GCLM: variants seen among roughly 807,000 people sequenced by gnomAD.
GCLM encodes the protein glutamate-cysteine ligase modifier subunit.
GCLM carries 15 observed loss-of-function variants against 36.0 expected under a neutral mutation model. The ratio of observed to expected loss-of-function variants is 0.42; its 90% CI spans 0.28 to 0.64. The LOEUF is 0.64. Ranked by LOEUF, GCLM falls within the 30% of genes least tolerant of loss-of-function variation. The probability of loss-of-function intolerance (pLI) is 0.25; values close to 1 mark genes in which losing one functional copy is unlikely to be tolerated. For synonymous variants in GCLM, 129 were observed against 122.8 expected, an observed-to-expected ratio of 1.05 and a Z score of -0.34; for missense variants, 242 against 325.5, an observed-to-expected ratio of 0.74 and a Z score of 1.97.
At chr1:93,896,186 C>T (rs1656726672) in intron 5 of GCLM, among the ~76,000 whole-genome samples, 2 of 152,018 alleles carry the variant, frequency 1.3e-5, no homozygotes, top group South Asian at 4.1e-4. Context: ...TGGTCTCGAA[C>T]TCCTGACCTC....
Position 93,892,531 on chromosome 1 carries a change from ATAGAT to A in GCLM, c.655+2078_655+2082del, listed in dbSNP as rs1238359517. ...AAATTAAATCGAGAGTTGCTTCATT[ATAGAT>A]TAAAGTGTCTGAAGGTTCATTAATG... On this transcript the variant is annotated intron_variant, in intron 6 of 6. Transcript: ENST00000370238. 2.6e-4 allele frequency among the ~76,000 whole-genome samples: 39 copies of A among 152,222 alleles called. 1 individual carries two copies. The highest frequency in any genetic ancestry group is 2.9e-5 in the Non-Finnish European group (2 of 68,022).
chr1:93,901,202 C>T (rs1010992892), intron 3 of GCLM, among the ~76,000 whole-genome samples: 1 of 152,098 alleles, frequency 6.6e-6, no homozygotes, highest in African/African-American at 2.4e-5. Flanking sequence ...TCCCAGGTGA[C>T]CTCACACATT....
rs1403229930 is a variant in GCLM at position 93,902,493 on chromosome 1, A to T, written c.193-824T>A. 1.4e-4 allele frequency among the ~76,000 whole-genome samples: 21 copies of T among 148,220 alleles called. 1 individual carries two copies. The East Asian group carries it at 1.6e-3, about 11-fold the overall frequency. The stretch of plus-strand genomic sequence containing the variant: ...GCGCCCAGCCTGTTTTTTTTTTTTT[A>T]AATATACTTTTTTTTTAGAGCAGTT... On this transcript the variant is annotated intron_variant, in intron 2 of 6. Coordinates refer to ENST00000370238, the MANE Select transcript of GCLM (RefSeq NM_002061.4).
chr1:93,909,253 C>T lies in GCLM; in HGVS notation c.-90G>A. ...CCCCACAGGACGCGGTGCCCGAGGC[C>T]CGAGAGAGACCCGAGAGGGAGCGCG... On this transcript the variant is annotated 5_prime_UTR_variant, in exon 1 of 7. Coordinates refer to ENST00000370238, the MANE Select transcript of GCLM (RefSeq NM_002061.4). 1 of 1,088,676 alleles carries T rather than the reference C, an allele frequency of 9.2e-7. No individual in the cohort carries two copies. Among genetic ancestry groups the T allele is most frequent in the Non-Finnish European group, 1.1e-6 (1 of 898,774 alleles). 67.4% of individuals were successfully genotyped at this position (1,088,676 alleles called of 1,614,324 possible).
At chr1:93,895,963 CTTTT>C (rs577913729) in intron 5 of GCLM, among the ~76,000 whole-genome samples, 3 of 133,498 alleles carry the variant, frequency 2.2e-5, no homozygotes, top group Non-Finnish European at 4.8e-5. Flanking sequence ...GTTTTTCTTT[CTTTT>C]TTTTTTTTTT....
Position 93,904,592 on chromosome 1 carries a change from C to CA in GCLM, c.127-5dup. On this transcript the variant is annotated splice_region_variant and splice_polypyrimidine_tract_variant and intron_variant, in intron 1 of 6. Coordinates refer to ENST00000370238, the MANE Select transcript of GCLM (RefSeq NM_002061.4). ...TTTTTTGGATACAATCATGAAGCTG[C>CA]AAAAGGAATGCATTTTGAAACTGTT... The CA allele has an allele frequency of 6.3e-7, 1 of 1,593,658 alleles. No individual in the cohort carries two copies. Among genetic ancestry groups the CA allele is most frequent in the Non-Finnish European group, 8.6e-7 (1 of 1,161,548 alleles).
chr1:93,889,523 T>A (rs923767121), intron 6 of GCLM, among the ~76,000 whole-genome samples: 11 of 152,040 alleles, frequency 7.2e-5, no homozygotes, highest in Non-Finnish European at 1.6e-4. Context: ...GGAGATGATA[T>A]AACATTGTCA....
chr1:93,896,597 C>G (rs964927403), intron 5 of GCLM, 21 bp downstream of exon 5: 2 of 1,595,588 alleles, frequency 1.3e-6, no homozygotes, highest in African/African-American at 1.3e-5. Context: ...CTGGAGTGCT[C>G]ATGATCCTGC....
At chr1:93,898,303 G>GAAAACAAAAAAA in intron 3 of GCLM, among the ~76,000 whole-genome samples, 1 of 16,442 alleles carries the variant, frequency 6.1e-5, no homozygotes, top group Non-Finnish European at 1.2e-4. Flanking sequence ...GAAGAAAACT[G>GAAAACAAAAAAA]AAAAAAAAAA....
intron 4 of GCLM, among the ~76,000 whole-genome samples, chr1:93,897,529 T>C (rs1656775928): frequency 1.3e-5 from 2 of 152,040 alleles, no homozygotes; most frequent in Non-Finnish European, 2.9e-5. Context: ...TTTTTTTTTT[T>C]TGCCGTTGTT....
chr1:93,899,507 C>T (rs1049952589), intron 3 of GCLM, among the ~76,000 whole-genome samples: 3 of 152,210 alleles, frequency 2.0e-5, no homozygotes, highest in South Asian at 2.1e-4. Flanking sequence ...TTTCTGTTTT[C>T]GCATATATAA....
chr1:93,895,179 T>A (rs1217302618), intron 5 of GCLM, among the ~76,000 whole-genome samples: 1 of 151,868 alleles, frequency 6.6e-6, no homozygotes, highest in African/African-American at 2.4e-5. Context: ...CATGCCCAGC[T>A]AATTTTTTGT....
intron 4 of GCLM, 37 bp downstream of exon 4, chr1:93,897,802 G>C: frequency 9.0e-7 from 1 of 1,115,122 alleles, no homozygotes; most frequent in African/African-American, 1.6e-5. Flanking sequence ...CTAATTTAAA[G>C]TCCACTATTA....
chr1:93,904,468 G>T, intron 2 of GCLM, 55 bp downstream of exon 2: 1 of 1,101,796 alleles, frequency 9.1e-7, no homozygotes, highest in Non-Finnish European at 1.4e-6. Context: ...TTAACTTCCT[G>T]TTTACTTTAC....
At position 93,885,558 on chromosome 1, in the gene GCLM, A is replaced by G. The variant is rs1037267950; in HGVS notation, c.*3432T>C. On this transcript the variant is annotated 3_prime_UTR_variant, in exon 7 of 7. Transcript: ENST00000370238. ...ATAAAACTGCCATATCCCATTGCCA[A>G]CTTTACATGAAAAAGGTATATGTTC... 2 of 152,204 alleles carry G rather than the reference A, an allele frequency of 1.3e-5. No homozygotes were observed. Among genetic ancestry groups the G allele is most frequent in the Non-Finnish European group, 2.9e-5 (2 of 68,016 alleles). 9.4% of individuals were successfully genotyped at this position (152,204 alleles called of 1,614,324 possible). A position where few individuals can be genotyped will look rare whatever the true frequency, so the allele number is the denominator to read the frequency against.
rs1024145168 is a variant in GCLM at position 93,887,065 on chromosome 1, G to A, written c.*1925C>T. ...GGCTGGAGTGCAATGGCGTGATCTC[G>A]GCTCACTGCAAACTCCGCCTCCCAG... On this transcript the variant is annotated 3_prime_UTR_variant, in exon 7 of 7. Coordinates refer to ENST00000370238, the MANE Select transcript of GCLM (RefSeq NM_002061.4). 3.4e-5 allele frequency: 5 copies of A among 145,974 alleles called. No individual in the cohort carries two copies. Among genetic ancestry groups the A allele is most frequent in the South Asian group, 2.1e-4 (1 of 4,756 alleles). The allele number at this position is 145,974 out of a possible 1,614,324, so 9.0% of individuals were successfully genotyped here. A position where few individuals can be genotyped will look rare whatever the true frequency, so the allele number is the denominator to read the frequency against.
rs1052095871 is a variant in GCLM at position 93,888,332 on chromosome 1, G to A, written c.*658C>T. The A allele has an allele frequency of 1.3e-5, 2 of 152,054 alleles. No homozygotes were observed. The highest frequency in any genetic ancestry group is 2.9e-5 in the Non-Finnish European group (2 of 67,984). The allele number at this position is 152,054 out of a possible 1,614,324, so 9.4% of individuals were successfully genotyped here. ...TTTCAAAGCTTCTAGTCTCCTTTCA[G>A]ATTTACTTTGGTTTGTCTTTATAAG... On this transcript the variant is annotated 3_prime_UTR_variant, in exon 7 of 7. Coordinates refer to ENST00000370238, the MANE Select transcript of GCLM (RefSeq NM_002061.4).
At chr1:93,906,453 C>A (rs718874) in intron 1 of GCLM, among the ~76,000 whole-genome samples, 38,762 of 152,066 alleles carry the variant, frequency 0.25, 6,235 homozygotes, top group African/African-American at 0.44. Flanking sequence ...AAGGATGGCT[C>A]ATTTGCACAC....
At chr1:93,895,964 T>C (rs991658497) in intron 5 of GCLM, among the ~76,000 whole-genome samples, 7 of 48,532 alleles carry the variant, frequency 1.4e-4, no homozygotes, top group Non-Finnish European at 2.2e-4. Flanking sequence ...TTTTTCTTTC[T>C]TTTTTTTTTT....
Sources: gnomAD v4.1 joint callset for allele counts (sites outside exome capture counted in the v4.1 genomes callset) on GRCh38, gnomAD v4.1.1 for gene constraint, MANE v1.5 for transcripts, NCBI Gene and HGNC (gene_info 2026-07-23, HGNC 2026-07-21) for gene names.